Variants in MACROD2 observed in about 807,000 individuals in gnomAD.
MACROD2 encodes the protein ADP-ribose glycohydrolase MACROD2.
MACROD2 carries 36 observed loss-of-function variants against 70.4 expected under a neutral mutation model. The observed-to-expected ratio is 0.51, with a 90% CI of 0.39 to 0.68. The LOEUF is 0.68. Ranked by LOEUF, MACROD2 falls within the 30% of genes least tolerant of loss-of-function variation. The pLI is 0.00. For synonymous variants in MACROD2, 172 were observed against 178.8 expected (o/e 0.96, Z 0.30); for missense variants, 496 against 538.4 (o/e 0.92, Z 0.78).
At chr20:14,516,614 A>G (rs1485477271) in intron 4 of MACROD2, among the ~76,000 whole-genome samples, 2 of 151,994 alleles carry the variant, frequency 1.3e-5, no homozygotes, top group Non-Finnish European at 1.5e-5. Context: ...ATGGTTGTAG[A>G]TGTGTGGTGT....
At chr20:14,579,604 A>G (rs971430038) in intron 4 of MACROD2, among the ~76,000 whole-genome samples, 4 of 152,188 alleles carry the variant, frequency 2.6e-5, no homozygotes, top group Non-Finnish European at 5.9e-5. Flanking sequence ...TTTGTTCTTA[A>G]TAGAAAGTTG....
At chr20:14,092,195 T>A (rs2054158886) in intron 3 of MACROD2, among the ~76,000 whole-genome samples, 4 of 152,284 alleles carry the variant, frequency 2.6e-5, no homozygotes, top group African/African-American at 9.6e-5. Context: ...TATTTTTAAA[T>A]TTTTTTCTCT....
chr20:14,800,557 A>C (rs566436889), intron 5 of MACROD2, among the ~76,000 whole-genome samples: 1 of 152,158 alleles, frequency 6.6e-6, no homozygotes, highest in Non-Finnish European at 1.5e-5. Context: ...ATGCAATTTA[A>C]GAGTCAGTGG....
intron 5 of MACROD2, among the ~76,000 whole-genome samples, chr20:14,765,998 C>T (rs2072083142): frequency 6.6e-6 from 1 of 152,108 alleles, no homozygotes. Context: ...CATTACATTG[C>T]CTTCCTCTTC....
chr20:14,647,232 T>G (rs1196427121), intron 4 of MACROD2, among the ~76,000 whole-genome samples: 3 of 152,126 alleles, frequency 2.0e-5, no homozygotes, highest in Non-Finnish European at 4.4e-5. Context: ...AAGAACATAC[T>G]GCATGATCCC....
intron 7 of MACROD2, among the ~76,000 whole-genome samples, chr20:15,471,207 A>G (rs978820709): frequency 6.6e-6 from 1 of 152,120 alleles, no homozygotes; most frequent in African/African-American, 2.4e-5. Flanking sequence ...TTCCCATCAC[A>G]CATGCTCTCC....
chr20:15,626,321 G>A (rs1438612284), intron 8 of MACROD2, among the ~76,000 whole-genome samples: 1 of 152,132 alleles, frequency 6.6e-6, no homozygotes, highest in African/African-American at 2.4e-5. Flanking sequence ...TTTCTTAGAG[G>A]TTTTTAAAAA....
rs116588554 is a variant in MACROD2 at position 15,766,026 on chromosome 20, C to G, written c.646-96719C>G. On this transcript the variant is annotated intron_variant, in intron 8 of 17. Coordinates refer to ENST00000684519, the MANE Select transcript of MACROD2 (RefSeq NM_001351661.2). ...GAAAATAAATATCACTCTTACTCCT[C>G]CATCTGAAGATGATGATGGAAATAA... Among the ~76,000 whole-genome samples, 604 of 152,234 alleles carry G rather than the reference C, an allele frequency of 4.0e-3. 2 individuals carry two copies. Among genetic ancestry groups the G allele is most frequent in the African/African-American group, 0.014 (570 of 41,536 alleles).
intron 5 of MACROD2, among the ~76,000 whole-genome samples, chr20:14,783,356 A>T (rs1008765442): frequency 4.6e-5 from 7 of 152,162 alleles, no homozygotes; most frequent in African/African-American, 7.2e-5. Flanking sequence ...ATATGCTGTC[A>T]TCTGACTAAA....
chr20:15,781,782 A>T (rs1487155578), intron 8 of MACROD2, among the ~76,000 whole-genome samples: 1 of 152,144 alleles, frequency 6.6e-6, no homozygotes, highest in Non-Finnish European at 1.5e-5. Context: ...GGCTTTCTAG[A>T]GGGGATGATA....
intron 4 of MACROD2, among the ~76,000 whole-genome samples, chr20:14,515,463 A>ACACACACACACACGCG (rs34190778): frequency 7.2e-6 from 1 of 138,822 alleles, no homozygotes; most frequent in African/African-American, 2.9e-5. Context: ...ATACACACAC[A>ACACACACACACACGCG]CGCACACACA....
chr20:15,815,349 A>T (rs6135553), intron 8 of MACROD2, among the ~76,000 whole-genome samples: 30,881 of 152,006 alleles, frequency 0.2, 3,338 homozygotes, highest in East Asian at 0.33. Flanking sequence ...GTTTTGTTAT[A>T]TGCCCCAAGG....
intron 6 of MACROD2, among the ~76,000 whole-genome samples, chr20:15,260,752 C>T (rs1365894216): frequency 6.6e-6 from 1 of 151,866 alleles, no homozygotes; most frequent in African/African-American, 2.4e-5. Flanking sequence ...AGGCTCCTCC[C>T]CTCTCTCCAA....
chr20:15,460,940 A>G (rs1169486460), intron 7 of MACROD2, among the ~76,000 whole-genome samples: 3 of 144,332 alleles, frequency 2.1e-5, no homozygotes, highest in African/African-American at 7.6e-5. Context: ...ACTTTTCTTC[A>G]TTATAAATAG....
At chr20:14,911,194 TC>T (rs1461055921) in intron 5 of MACROD2, among the ~76,000 whole-genome samples, 1 of 152,118 alleles carries the variant, frequency 6.6e-6, no homozygotes, top group Admixed American at 6.5e-5. Flanking sequence ...TGAATGAGAG[TC>T]CGTATTGGCA....
At chr20:14,222,221 A>G (rs1318970817) in intron 3 of MACROD2, among the ~76,000 whole-genome samples, 1 of 152,226 alleles carries the variant, frequency 6.6e-6, no homozygotes, top group Non-Finnish European at 1.5e-5. Context: ...AATAGCAAAG[A>G]TATAGAATCA....
intron 3 of MACROD2, among the ~76,000 whole-genome samples, chr20:14,458,577 T>C (rs1475004272): frequency 6.6e-6 from 1 of 152,058 alleles, no homozygotes; most frequent in African/African-American, 2.4e-5. Flanking sequence ...AGCTTCTAGG[T>C]TGGTGAGCAC....
chr20:15,499,447 T>C (rs73096235), intron 7 of MACROD2, among the ~76,000 whole-genome samples: 10,265 of 152,278 alleles, frequency 0.067, 599 homozygotes, highest in East Asian at 0.24. Context: ...TGAGCACTTC[T>C]TACAAGAAAA....
At chr20:14,260,259 T>TA (rs1379908675) in intron 3 of MACROD2, among the ~76,000 whole-genome samples, 1 of 152,158 alleles carries the variant, frequency 6.6e-6, no homozygotes, top group African/African-American at 2.4e-5. Context: ...GTATAGTGAG[T>TA]ATTTATATGA....
Sources: allele counts gnomAD v4.1 joint callset (sites outside exome capture counted in the v4.1 genomes callset), GRCh38; gene constraint gnomAD v4.1.1; transcripts MANE v1.5; gene names NCBI Gene and HGNC (gene_info 2026-07-23, HGNC 2026-07-21).